CRY1: variants seen among roughly 807,000 people sequenced by gnomAD.
CRY1 encodes the protein cryptochrome circadian regulator 1, also known as cryptochrome-1.
A neutral mutation model predicts 76.0 loss-of-function variants in CRY1; 45 were observed. The ratio of observed to expected loss-of-function variants is 0.59; its 90% CI spans 0.47 to 0.76. The LOEUF (loss-of-function observed/expected upper bound fraction) is 0.76. Ranked by LOEUF, CRY1 falls within the 30% of genes least tolerant of loss-of-function variation. The probability of loss-of-function intolerance (pLI) is 0.00; values close to 1 mark genes in which losing one functional copy is unlikely to be tolerated. For missense variants in CRY1, 587 were observed against 716.4 expected (o/e 0.82, Z 2.06); for synonymous variants, 248 against 244.0 (o/e 1.02, Z -0.15).
intron 1 of CRY1, among the ~76,000 whole-genome samples, chr12:107,035,647 G>A (rs1952725457): frequency 6.6e-6 from 1 of 152,190 alleles, no homozygotes; most frequent in Admixed American, 6.5e-5. Flanking sequence ...TTCAAACCCA[G>A]TCAGCTTGGC....
chr12:107,049,457 C>T (rs921927075), intron 1 of CRY1, among the ~76,000 whole-genome samples: 2 of 152,170 alleles, frequency 1.3e-5, no homozygotes, highest in Non-Finnish European at 2.9e-5. Context: ...TCACTGCAGC[C>T]TCCGCCTCCT....
intron 1 of CRY1, among the ~76,000 whole-genome samples, chr12:107,049,320 C>G (rs772948297): frequency 2.0e-5 from 3 of 152,092 alleles, no homozygotes; most frequent in African/African-American, 7.2e-5. Context: ...ATGTCAAGTT[C>G]GATTATCTTG....
chr12:107,026,119 TATTATA>T (rs1952607156), intron 1 of CRY1, among the ~76,000 whole-genome samples: 2 of 43,528 alleles, frequency 4.6e-5, no homozygotes, highest in Admixed American at 5.8e-4. Context: ...AAAATATATA[TATTATA>T]TATAATTACA....
intron 1 of CRY1, among the ~76,000 whole-genome samples, chr12:107,075,321 T>C (rs1441139572): frequency 6.6e-6 from 1 of 152,098 alleles, no homozygotes; most frequent in Non-Finnish European, 1.5e-5. Flanking sequence ...ACTGAGAATA[T>C]AAAAAGTAAA....
intron 2 of CRY1, among the ~76,000 whole-genome samples, chr12:107,009,564 ATATATAT>A (rs1566245559): frequency 7.5e-4 from 6 of 7,970 alleles, no homozygotes; most frequent in East Asian, 2.0e-3. Flanking sequence ...ACAAAAAAAC[ATATATAT>A]ATATATATAT....
At chr12:107,061,376 C>CTT (rs879367958) in intron 1 of CRY1, among the ~76,000 whole-genome samples, 1 of 141,790 alleles carries the variant, frequency 7.1e-6, no homozygotes, top group Non-Finnish European at 1.6e-5. Flanking sequence ...CTAATACAGT[C>CTT]TTTTTTTTTT....
rs1952192942 is a variant in CRY1, at chr12:106,992,786, C to T, written c.*1G>A. On this transcript the variant is annotated splice_donor_variant, in intron 12 of 12. Coordinates refer to ENST00000008527, the MANE Select transcript of CRY1 (RefSeq NM_004075.5). LOFTEE classifies it low-confidence loss of function (3UTR_SPLICE). ...AAGAAATACAGCTCTAAAATATTTA[C>T]CTAATTAGTGCTCTGTCTCTGGACT... The T allele has an allele frequency of 6.2e-7, 1 of 1,607,690 alleles. No individual in the cohort carries two copies.
At chr12:107,008,599 C>T (rs372741057) in intron 2 of CRY1, among the ~76,000 whole-genome samples, 1 of 152,142 alleles carries the variant, frequency 6.6e-6, no homozygotes, top group Non-Finnish European at 1.5e-5. Flanking sequence ...GGGTAGAAAG[C>T]ATTCAGTGTT....
chr12:107,062,025 CA>C (rs35683352), intron 1 of CRY1, among the ~76,000 whole-genome samples: 60,640 of 93,244 alleles, frequency 0.65, 16,130 homozygotes, highest in East Asian at 0.87. Flanking sequence ...GACCCTGTCT[CA>C]AAAAAAAAAA....
chr12:107,035,745 G>A (rs968873361), intron 1 of CRY1, among the ~76,000 whole-genome samples: 4 of 152,104 alleles, frequency 2.6e-5, no homozygotes, highest in African/African-American at 9.7e-5. Flanking sequence ...AGGATATCGG[G>A]GGGTATAATT....
chr12:106,992,737 G>A lies in CRY1; in HGVS notation c.*50C>T, dbSNP rs746778653. On this transcript the variant is annotated intron_variant, in intron 12 of 12. Coordinates refer to ENST00000008527, the MANE Select transcript of CRY1 (RefSeq NM_004075.5). Reference sequence around the variant, plus strand: ...CATTTTTGAAATTATCTTAATTTATGTTAATTATATACTCTTCTAAAGCAA... The same window carrying A: ...CATTTTTGAAATTATCTTAATTTATATTAATTATATACTCTTCTAAAGCAA... 12 of 1,387,824 alleles carry A rather than the reference G, an allele frequency of 8.6e-6. No homozygotes were observed. In the Admixed American group the frequency reaches 1.2e-4, roughly 14 times the overall value. The allele number at this position is 1,387,824 out of a possible 1,614,324, so 86.0% of individuals were successfully genotyped here.
chr12:107,039,438 A>G (rs11113172), intron 1 of CRY1, among the ~76,000 whole-genome samples: 3 of 152,366 alleles, frequency 2.0e-5, no homozygotes, highest in East Asian at 3.9e-4. Flanking sequence ...GATAAGGAGT[A>G]AATTTCCAAA....
chr12:107,083,742 A>G lies in CRY1; in HGVS notation c.158+9062T>C, dbSNP rs138972580. ...AAACCCATAGCCAATATCATACTGA[A>G]TGGGCAAAAGCTGGAAGCATTCCCA... is the stretch of plus-strand genomic sequence containing the variant. On this transcript the variant is annotated intron_variant, in intron 1 of 12. Transcript: ENST00000008527. 4.9e-3 allele frequency among the ~76,000 whole-genome samples: 745 copies of G among 152,354 alleles called. 7 individuals are homozygous for G. The highest frequency in any genetic ancestry group is 0.017 in the African/African-American group (689 of 41,578).
At chr12:107,043,372 C>G (rs1012113479) in intron 1 of CRY1, among the ~76,000 whole-genome samples, 2 of 152,186 alleles carry the variant, frequency 1.3e-5, no homozygotes, top group African/African-American at 2.4e-5. Context: ...AATGATCATG[C>G]ATTACAGTAC....
At chr12:106,993,068 T>C in intron 10 of CRY1, 32 bp from the exon 11 acceptor site, 1 of 1,601,740 alleles carries the variant, frequency 6.2e-7, no homozygotes, top group Non-Finnish European at 8.6e-7. Flanking sequence ...TAAAATTACT[T>C]AAAATCAAAT....
intron 2 of CRY1, among the ~76,000 whole-genome samples, chr12:107,009,261 A>G (rs1952410097): frequency 6.6e-6 from 1 of 152,020 alleles, no homozygotes; most frequent in African/African-American, 2.4e-5. Context: ...AAAATATTGC[A>G]GGCTGGGCAC....
chr12:106,999,888 T>G, intron 6 of CRY1, 26 bp from the exon 7 acceptor site: 1 of 1,591,478 alleles, frequency 6.3e-7, no homozygotes. Context: ...AAAGAAGTAT[T>G]ATCAGAATTT....
intron 10 of CRY1, 79 bp downstream of exon 10, chr12:106,997,215 T>C: frequency 8.1e-7 from 1 of 1,239,860 alleles, no homozygotes; most frequent in South Asian, 1.3e-5. Context: ...ATAAAATATG[T>C]TAGTGAGGAT....
intron 1 of CRY1, among the ~76,000 whole-genome samples, chr12:107,035,909 G>A (rs1952727512): frequency 1.3e-5 from 2 of 152,114 alleles, no homozygotes; most frequent in African/African-American, 2.4e-5. Flanking sequence ...CACCTGGTTG[G>A]TCAGAATAGA....
Sources: gnomAD v4.1 joint callset for allele counts (sites outside exome capture counted in the v4.1 genomes callset) on GRCh38, gnomAD v4.1.1 for gene constraint, MANE v1.5 for transcripts, NCBI Gene and HGNC (gene_info 2026-07-23, HGNC 2026-07-21) for gene names.